MTTP: variants seen among roughly 807,000 people sequenced by gnomAD.
MTTP encodes the protein microsomal triglyceride transfer protein large subunit.
A neutral mutation model predicts 90.6 loss-of-function variants in MTTP; 49 were observed. That is an observed-to-expected ratio of 0.54 (90% CI 0.43 to 0.69). The LOEUF (loss-of-function observed/expected upper bound fraction) is 0.69. Among genes scored for constraint, MTTP ranks in the 30% least tolerant of loss-of-function variants. The probability of loss-of-function intolerance (pLI) is 0.00; values close to 1 mark genes in which losing one functional copy is unlikely to be tolerated. For missense variants in MTTP, 945 were observed against 1,067.5 expected (o/e 0.89, Z 1.60); for synonymous variants, 347 against 384.2 (o/e 0.90, Z 1.13).
chr4:99,575,055 A>T (rs1724924365), intron 1 of MTTP, 85 bp downstream of exon 1: 1 of 1,408,200 alleles, frequency 7.1e-7, no homozygotes, highest in South Asian at 1.2e-5. Context: ...TGTTTGTGTG[A>T]GTGAATAGTG....
Position 99,581,892 on chromosome 4 carries a change from T to C in MTTP, c.62-13T>C, listed in dbSNP as rs760424192. 12 of 1,613,890 alleles carry C rather than the reference T, an allele frequency of 7.4e-6. No homozygotes were observed. In the Admixed American group the frequency reaches 1.8e-4, roughly 25 times the overall value. ...ACAATGAAAACTGGATATGTGTCATTATCTTTATGCAGGTCACACAACTGG... is the reference window on the plus strand; with the variant it reads ...ACAATGAAAACTGGATATGTGTCATCATCTTTATGCAGGTCACACAACTGG... On this transcript the variant is annotated splice_polypyrimidine_tract_variant and intron_variant, in intron 1 of 17. Coordinates refer to ENST00000265517, the MANE Select transcript of MTTP (RefSeq NM_001386140.1).
chr4:99,591,536 G>A (rs1392394716), intron 5 of MTTP, 115 bp from the exon 6 acceptor site: 2 of 1,227,254 alleles, frequency 1.6e-6, no homozygotes, highest in East Asian at 5.0e-5. Flanking sequence ...TTAGTAATGA[G>A]GGATGGGTGT....
chr4:99,575,436 CA>C (rs1724932769), intron 1 of MTTP, among the ~76,000 whole-genome samples: 1 of 151,782 alleles, frequency 6.6e-6, no homozygotes, highest in Non-Finnish European at 1.5e-5. Flanking sequence ...TTTGATTTGC[CA>C]AAGAATTATG....
intron 12 of MTTP, among the ~76,000 whole-genome samples, chr4:99,610,606 G>A (rs936513735): frequency 2.6e-5 from 4 of 152,164 alleles, no homozygotes; most frequent in African/African-American, 9.7e-5. Flanking sequence ...ATGGGGTAAG[G>A]ATTAAGACTT....
At chr4:99,602,647 G>T (rs1321399671) in intron 10 of MTTP, among the ~76,000 whole-genome samples, 1 of 151,984 alleles carries the variant, frequency 6.6e-6, no homozygotes, top group East Asian at 1.9e-4. Flanking sequence ...AAAGGCTTGG[G>T]TATTAACTTA....
intron 11 of MTTP, 138 bp downstream of exon 11, chr4:99,607,098 T>C: frequency 1.3e-6 from 1 of 753,528 alleles, no homozygotes; most frequent in South Asian, 1.7e-5. Context: ...AAATAACTCT[T>C]AAATTGCATT....
intron 1 of MTTP, among the ~76,000 whole-genome samples, chr4:99,567,219 G>A (rs1724723886): frequency 1.3e-5 from 2 of 152,166 alleles, no homozygotes; most frequent in African/African-American, 4.8e-5. Context: ...CTCTGGGAAG[G>A]TGATTAGACA....
At chr4:99,578,060 G>C (rs746288191) in intron 1 of MTTP, among the ~76,000 whole-genome samples, 1 of 151,868 alleles carries the variant, frequency 6.6e-6, no homozygotes, top group Non-Finnish European at 1.5e-5. Flanking sequence ...TATCATCACT[G>C]CATGTCTCTT....
intron 15 of MTTP, among the ~76,000 whole-genome samples, chr4:99,613,967 A>T (rs1726027677): frequency 6.6e-6 from 1 of 152,214 alleles, no homozygotes; most frequent in Admixed American, 6.5e-5. Context: ...TTCACTAAGC[A>T]TAGCAACATA....
chr4:99,621,619 C>G (rs1367913851), intron 17 of MTTP, among the ~76,000 whole-genome samples: 2 of 152,132 alleles, frequency 1.3e-5, no homozygotes. Flanking sequence ...AAACACCTGG[C>G]AATCCATTTA....
In MTTP at chr4:99,619,015, C is replaced by T; in HGVS notation, c.2259C>T (p.Val753=). ...CTGGACTAAAAGCCAATATAGAGGT[C>T]CAGGGTGGTCTAGCTATTGATATTT... ...LQSGLKANIE[V]QGGLAIDISG... The change falls in exon 16 of 18, where the codon GTC becomes GTT. Residue 753 remains valine (V), a synonymous_variant. Transcript: ENST00000265517. 1 of 1,613,440 alleles carries T rather than the reference C, an allele frequency of 6.2e-7. No individual in the cohort carries two copies. The highest frequency in any genetic ancestry group is 8.5e-7 in the Non-Finnish European group (1 of 1,179,570).
chr4:99,618,256 C>G (rs991135382), intron 15 of MTTP, among the ~76,000 whole-genome samples: 1 of 152,108 alleles, frequency 6.6e-6, no homozygotes, highest in African/African-American at 2.4e-5. Flanking sequence ...TTGTTATACT[C>G]AGGGCTGGGC....
rs141834860 is a variant in MTTP, at chr4:99,613,500, G to A, written c.2217+360G>A. 3.3e-5 allele frequency among the ~76,000 whole-genome samples: 5 copies of A among 152,200 alleles called. No individual in the cohort carries two copies. In the East Asian group the frequency reaches 9.7e-4, roughly 29 times the overall value. ...CCTGAAGGCAGGAGCTGAACTATGT[G>A]GCCTTATAAGTCACTGATGACATTT... On this transcript the variant is annotated intron_variant, in intron 15 of 17. Coordinates refer to ENST00000265517, the MANE Select transcript of MTTP (RefSeq NM_001386140.1).
At chr4:99,609,903 G>A (rs1296626858) in intron 12 of MTTP, among the ~76,000 whole-genome samples, 1 of 152,186 alleles carries the variant, frequency 6.6e-6, no homozygotes, top group Non-Finnish European at 1.5e-5. Context: ...TTGCTTTTAT[G>A]AGACCCTGTG....
rs563138284 is a variant in MTTP, at chr4:99,580,574, C to CAAAA, written c.62-1308_62-1305dup. Among the ~76,000 whole-genome samples, 46 of 39,886 alleles carry CAAAA rather than the reference C, an allele frequency of 1.2e-3. 2 individuals carry two copies. Among genetic ancestry groups the CAAAA allele is most frequent in the Non-Finnish European group, 1.7e-3 (36 of 20,582 alleles). The allele number at this position is 39,886 out of a possible 152,430, so 26.2% of individuals were successfully genotyped here. A position where few individuals can be genotyped will look rare whatever the true frequency, so the allele number is the denominator to read the frequency against. On this transcript the variant is annotated intron_variant, in intron 1 of 17. Transcript: ENST00000265517. The stretch of plus-strand genomic sequence containing the variant: ...TGGCCGACAGAGTGAGACTCTGTCT[C>CAAAA]AAAAAAAAAAAAAAAAAAAAAAAAA...
At position 99,594,902 on chromosome 4, in the gene MTTP, G is replaced by T. The variant is rs1401147955; in HGVS notation, c.909+19G>T. 2.5e-6 allele frequency: 4 copies of T among 1,612,514 alleles called. No homozygotes were observed. Among genetic ancestry groups the T allele is most frequent in the African/African-American group, 1.3e-5 (1 of 74,816 alleles). The stretch of plus-strand genomic sequence containing the variant: ...TCCTTCTGTAAGTGCAGACAAATAT[G>T]GGAATAATCATGACATCAGACTCTG... On this transcript the variant is annotated intron_variant, in intron 7 of 17. Transcript: ENST00000265517.
chr4:99,574,805 G>T, upstream of MTTP: 2 of 1,609,896 alleles, frequency 1.2e-6, no homozygotes, highest in Non-Finnish European at 1.7e-6. Context: ...CATGATTGTT[G>T]CAGGTTCTGA....
At chr4:99,575,231 T>C (rs1724928470) in intron 1 of MTTP, among the ~76,000 whole-genome samples, 1 of 152,240 alleles carries the variant, frequency 6.6e-6, no homozygotes, top group African/African-American at 2.4e-5. Flanking sequence ...TGCTTCAATT[T>C]CTCATTCATG....
chr4:99,576,728 A>T (rs1382442004), intron 1 of MTTP, among the ~76,000 whole-genome samples: 1 of 151,208 alleles, frequency 6.6e-6, no homozygotes, highest in Non-Finnish European at 1.5e-5. Flanking sequence ...ATTTAAATAT[A>T]CACATACACT....
Sources: allele counts gnomAD v4.1 joint callset (sites outside exome capture counted in the v4.1 genomes callset), GRCh38; gene constraint gnomAD v4.1.1; transcripts MANE v1.5; gene names NCBI Gene and HGNC (gene_info 2026-07-23, HGNC 2026-07-21).